KAZN: variants seen among roughly 807,000 people sequenced by gnomAD.
The protein encoded by KAZN is kazrin.
Under a neutral mutation model 87.4 loss-of-function variants are expected in KAZN, and 40 were observed. The ratio of observed to expected loss-of-function variants is 0.46; its 90% confidence interval spans 0.36 to 0.60. KAZN has a LOEUF of 0.60. Ranked by LOEUF, KAZN falls within the 20% of genes least tolerant of loss-of-function variation. The pLI, the probability that KAZN is intolerant of heterozygous loss-of-function variation, is 0.00. For synonymous variants in KAZN, 466 were observed against 458.3 expected, an observed-to-expected ratio of 1.02 and a Z score of -0.22; for missense variants, 898 against 1,073.9, an observed-to-expected ratio of 0.84 and a Z score of 2.29.
chr1:14,398,751 C>T (rs779447661), intron 2 of KAZN, among the ~76,000 whole-genome samples: 7 of 152,164 alleles, frequency 4.6e-5, no homozygotes, highest in Non-Finnish European at 8.8e-5. Flanking sequence ...TTCTCCTACA[C>T]GGAACTGATG....
chr1:14,361,736 A>G (rs541001308), intron 2 of KAZN, among the ~76,000 whole-genome samples: 11 of 152,354 alleles, frequency 7.2e-5, no homozygotes, highest in South Asian at 2.1e-4. Context: ...ACCAGTCCCA[A>G]TAAGATGAGC....
intron 1 of KAZN, among the ~76,000 whole-genome samples, chr1:14,806,529 G>C (rs1056117402): frequency 2.0e-5 from 3 of 152,342 alleles, no homozygotes; most frequent in Non-Finnish European, 2.9e-5. Flanking sequence ...ATTGGCAGGA[G>C]AGATCCTGGG....
intron 1 of KAZN, among the ~76,000 whole-genome samples, chr1:14,020,725 A>G (rs1250145634): frequency 6.6e-6 from 1 of 152,238 alleles, no homozygotes; most frequent in Non-Finnish European, 1.5e-5. Flanking sequence ...AGTCAGCAGA[A>G]CAATTTGAAA....
At chr1:14,113,339 G>T (rs1644539671) in intron 1 of KAZN, among the ~76,000 whole-genome samples, 1 of 152,212 alleles carries the variant, frequency 6.6e-6, no homozygotes, top group African/African-American at 2.4e-5. Flanking sequence ...GCGAAAGGAT[G>T]ACTGGGTGGG....
intron 1 of KAZN, among the ~76,000 whole-genome samples, chr1:14,899,901 C>T (rs985967653): frequency 1.2e-4 from 18 of 152,248 alleles, no homozygotes; most frequent in Non-Finnish European, 1.8e-4. Context: ...CGCCCTCTCT[C>T]CTCTGCCAAT....
intron 1 of KAZN, among the ~76,000 whole-genome samples, chr1:13,910,109 G>C (rs149040760): frequency 6.6e-6 from 1 of 152,238 alleles, no homozygotes; most frequent in African/African-American, 2.4e-5. Flanking sequence ...AGTGTGGCCT[G>C]GGGGGAGGTG....
At chr1:14,665,034 C>A (rs1404575792) in intron 1 of KAZN, among the ~76,000 whole-genome samples, 1 of 152,202 alleles carries the variant, frequency 6.6e-6, no homozygotes, top group South Asian at 2.1e-4. Context: ...CACAAATGAT[C>A]CTTCTGCCCA....
In KAZN at chr1:15,086,300, T is replaced by C. The variant is rs72639897; in HGVS notation, c.1223-7880T>C. ...AAGAGAAAATTTTAAAAGTAGCTAA[T>C]GAAAGAACAATTCGGCTTGCAGTGG... On this transcript the variant is annotated intron_variant, in intron 8 of 14. Transcript: ENST00000376030. Among the ~76,000 whole-genome samples the C allele has an allele frequency of 9.8e-3, 1,498 of 152,264 alleles. 42 individuals carry two copies. Among genetic ancestry groups the C allele is most frequent in the East Asian group, 0.085 (442 of 5,188 alleles).
intron 1 of KAZN, among the ~76,000 whole-genome samples, chr1:14,134,393 G>T (rs1466518705): frequency 6.6e-6 from 1 of 152,176 alleles, no homozygotes; most frequent in Non-Finnish European, 1.5e-5. Context: ...AATGGACAAG[G>T]TATTTTTTAG....
intron 2 of KAZN, among the ~76,000 whole-genome samples, chr1:14,487,190 T>C (rs1460286116): frequency 6.6e-6 from 1 of 152,184 alleles, no homozygotes; most frequent in Non-Finnish European, 1.5e-5. Context: ...GGCCCCCTCC[T>C]TACCTCCTGT....
rs1667914642 is a variant in KAZN at position 14,996,800 on chromosome 1, C to T, written c.418+35925C>T. Among the ~76,000 whole-genome samples the T allele has an allele frequency of 6.6e-6, 1 of 152,232 alleles. No individual in the cohort carries two copies. Among genetic ancestry groups the T allele is most frequent in the Non-Finnish European group, 1.5e-5 (1 of 68,032 alleles). On this transcript the variant is annotated intron_variant, in intron 2 of 14. Transcript: ENST00000376030. This position sits in a 1 kb window ranked among gnomAD's most constrained non-coding sequence, Gnocchi z 5.9. Reference sequence around the variant, plus strand: ...AGGAAGACACACCACGGAGCCTCCCCGCTCCTGGTGCTCCAGGGCCTGCAT... The same window carrying T: ...AGGAAGACACACCACGGAGCCTCCCTGCTCCTGGTGCTCCAGGGCCTGCAT...
At chr1:14,257,954 AAC>A (rs1491356819) in intron 2 of KAZN, among the ~76,000 whole-genome samples, 104 of 136,630 alleles carry the variant, frequency 7.6e-4, no homozygotes, top group Middle Eastern at 3.8e-3. Flanking sequence ...AAAAAAAAAA[AAC>A]ATTAAAAAAA....
At chr1:14,813,913 T>C (rs562152528) in intron 1 of KAZN, among the ~76,000 whole-genome samples, 30 of 152,292 alleles carry the variant, frequency 2.0e-4, no homozygotes, top group African/African-American at 6.3e-4. Flanking sequence ...TAGTGACCCA[T>C]ACAAGTAGGC....
chr1:14,202,128 G>A (rs1233407197), intron 2 of KAZN, among the ~76,000 whole-genome samples: 2 of 152,144 alleles, frequency 1.3e-5, no homozygotes, highest in Non-Finnish European at 2.9e-5. Flanking sequence ...AGAGCAAGAT[G>A]GGGGTCAGTA....
At position 14,735,276 on chromosome 1, in the gene KAZN, G is replaced by A. The variant is rs993283857; in HGVS notation, c.226+136053G>A. ...GGGGTTTCACCGTGTTAGCCAGGAT[G>A]GTCTCGATCTCCTGACCTCGTGATC... On this transcript the variant is annotated intron_variant, in intron 1 of 14. Transcript: ENST00000376030. This position sits in a 1 kb window ranked among gnomAD's most constrained non-coding sequence, Gnocchi z 4.3. Among the ~76,000 whole-genome samples the A allele has an allele frequency of 6.6e-6, 1 of 152,126 alleles. No individual in the cohort carries two copies. Among genetic ancestry groups the A allele is most frequent in the South Asian group, 2.1e-4 (1 of 4,814 alleles).
intron 1 of KAZN, among the ~76,000 whole-genome samples, chr1:14,160,570 C>T (rs954044510): frequency 1.3e-5 from 2 of 152,148 alleles, no homozygotes; most frequent in African/African-American, 2.4e-5. Flanking sequence ...TGAGTGCTCA[C>T]CTGAGTTTTG....
chr1:14,347,001 CAA>C (rs1557654025), intron 2 of KAZN, among the ~76,000 whole-genome samples: 2 of 151,958 alleles, frequency 1.3e-5, no homozygotes, highest in Non-Finnish European at 2.9e-5. Context: ...GAAGGAAATA[CAA>C]CATTACATCA....
At chr1:15,061,491 G>A (rs1485701432) in intron 6 of KAZN, 1 of 152,098 alleles carries the variant, frequency 6.6e-6, no homozygotes, top group African/African-American at 2.4e-5. Flanking sequence ...GCTCAGGCCT[G>A]GGATTCTCTT....
intron 2 of KAZN, among the ~76,000 whole-genome samples, chr1:14,385,427 C>A (rs1169418198): frequency 3.9e-5 from 6 of 152,158 alleles, no homozygotes; most frequent in African/African-American, 1.4e-4. Flanking sequence ...TTGGATCTTT[C>A]CTGCTTTCTC....
Sources: allele counts gnomAD v4.1 joint callset (sites outside exome capture counted in the v4.1 genomes callset), GRCh38; gene constraint gnomAD v4.1.1; non-coding constraint Gnocchi (gnomAD v3.1); transcripts MANE v1.5; gene names NCBI Gene and HGNC (gene_info 2026-07-23, HGNC 2026-07-21).